Variants in RAPGEF2 observed in about 807,000 individuals in gnomAD.
The protein encoded by RAPGEF2 is Rap guanine nucleotide exchange factor 2.
RAPGEF2 carries 54 observed loss-of-function variants against 186.7 expected under a neutral mutation model. The ratio of observed to expected loss-of-function variants is 0.29; its 90% CI spans 0.23 to 0.36. The LOEUF is 0.36. Ranked by LOEUF, RAPGEF2 falls within the 10% of genes least tolerant of loss-of-function variation. RAPGEF2 has a pLI of 1.00. For synonymous variants in RAPGEF2, 712 were observed against 705.9 expected, an observed-to-expected ratio of 1.01 and a Z score of -0.14; for missense variants, 1,532 against 2,045.0, an observed-to-expected ratio of 0.75 and a Z score of 4.84.
chr4:159,186,794 T>G, intron 2 of RAPGEF2, 82 bp downstream of exon 2: 1 of 767,196 alleles, frequency 1.3e-6, no homozygotes, highest in South Asian at 1.9e-5. Flanking sequence ...ATTTTTTACT[T>G]TTATTCTTAC....
intron 15 of RAPGEF2, 45 bp from the exon 16 acceptor site, chr4:159,331,881 T>G: frequency 6.3e-7 from 1 of 1,593,348 alleles, no homozygotes; most frequent in South Asian, 1.2e-5. Flanking sequence ...GTGTCTGGTT[T>G]TTTTTTTCAG....
At chr4:159,209,191 CAAAAAAA>C (rs146288884) in intron 3 of RAPGEF2, among the ~76,000 whole-genome samples, 3 of 103,718 alleles carry the variant, frequency 2.9e-5, no homozygotes, top group Non-Finnish European at 3.9e-5. Context: ...CATGCCCAGC[CAAAAAAA>C]AAAAAAAAAA....
chr4:159,281,824 T>A (rs567314062), intron 7 of RAPGEF2, among the ~76,000 whole-genome samples: 3 of 152,298 alleles, frequency 2.0e-5, no homozygotes, highest in African/African-American at 7.2e-5. Flanking sequence ...GTTCTGCTCC[T>A]CATTCTATAG....
chr4:159,144,879 GTTTTTTTTTTTT>G (rs137978885), intron 1 of RAPGEF2, among the ~76,000 whole-genome samples: 4 of 92,336 alleles, frequency 4.3e-5, no homozygotes, highest in Non-Finnish European at 6.1e-5. Context: ...CTTTCTTCCT[GTTTTTTTTTTTT>G]TTTTTTTTTT....
At chr4:159,125,731 C>G (rs894220379) in intron 1 of RAPGEF2, among the ~76,000 whole-genome samples, 1 of 150,646 alleles carries the variant, frequency 6.6e-6, no homozygotes, top group Admixed American at 6.6e-5. Flanking sequence ...GCACTCCAGC[C>G]TGGGCGACAG....
intron 7 of RAPGEF2, among the ~76,000 whole-genome samples, chr4:159,275,662 TTCTTAC>T (rs1758765798): frequency 1.3e-5 from 2 of 152,168 alleles, no homozygotes; most frequent in African/African-American, 4.8e-5. Flanking sequence ...ATGTTTTATT[TTCTTAC>T]TCTTCTATAA....
At chr4:159,106,068 T>G (rs893189755) in intron 1 of RAPGEF2, among the ~76,000 whole-genome samples, 1 of 152,242 alleles carries the variant, frequency 6.6e-6, no homozygotes, top group African/African-American at 2.4e-5. Flanking sequence ...AACTTTCCTG[T>G]TCCCCTGCCA....
rs185197553 is a variant in RAPGEF2 at position 159,233,246 on chromosome 4, G to A, written c.282-5563G>A. On this transcript the variant is annotated intron_variant, in intron 4 of 29. Coordinates refer to ENST00000691494, the MANE Select transcript of RAPGEF2 (RefSeq NM_001394067.2). ...AATCTATTGCCAACTCCAAGGTCATGAGGATTTATTCCTGTGCTTTTACTA... is the reference window on the plus strand; with the variant it reads ...AATCTATTGCCAACTCCAAGGTCATAAGGATTTATTCCTGTGCTTTTACTA... Among the ~76,000 whole-genome samples, 20 of 152,286 alleles carry A rather than the reference G, an allele frequency of 1.3e-4. No individual in the cohort carries two copies. In the East Asian group the frequency reaches 3.3e-3, roughly 25 times the overall value.
chr4:159,352,118 C>T (rs969586096), intron 26 of RAPGEF2, among the ~76,000 whole-genome samples: 4 of 152,158 alleles, frequency 2.6e-5, no homozygotes, highest in African/African-American at 9.7e-5. Flanking sequence ...AAACGATTGG[C>T]TTTTATGTGG....
At chr4:159,149,781 A>C (rs1032966463) in intron 1 of RAPGEF2, among the ~76,000 whole-genome samples, 2 of 152,190 alleles carry the variant, frequency 1.3e-5, no homozygotes, top group Non-Finnish European at 1.5e-5. Flanking sequence ...CATCTTATAG[A>C]GTGAAATTGC....
chr4:159,331,448 A>G lies in RAPGEF2; in HGVS notation c.1485A>G (p.Leu495=). The G allele has an allele frequency of 6.2e-7, 1 of 1,610,882 alleles. No homozygotes were observed. The highest frequency in any genetic ancestry group is 8.5e-7 in the Non-Finnish European group (1 of 1,177,576). Residue 495 remains leucine, a synonymous_variant, in exon 14 of 30, where the codon TTA becomes TTG. Transcript: ENST00000691494. ...SLRDKVTRVV[L]LWVNNHFNDF... ...CTTTTCAGGTTACACGGGTAGTATT[A>G]TTGTGGGTAAATAATCACTTCAATG...
intron 1 of RAPGEF2, among the ~76,000 whole-genome samples, chr4:159,140,006 C>T (rs13139246): frequency 0.015 from 2,310 of 152,170 alleles, 24 homozygotes; most frequent in Non-Finnish European, 0.023. Flanking sequence ...ATTATGAGTA[C>T]CTTTTCAAGA....
intron 11 of RAPGEF2, chr4:159,329,028 C>T (rs1766312035): frequency 6.6e-6 from 1 of 152,020 alleles, no homozygotes; most frequent in Non-Finnish European, 1.5e-5. Context: ...TCATCTTCTT[C>T]ACATTAAAGG....
chr4:159,282,940 G>A (rs1488986047), intron 7 of RAPGEF2, among the ~76,000 whole-genome samples: 2 of 152,132 alleles, frequency 1.3e-5, no homozygotes, highest in South Asian at 2.1e-4. Flanking sequence ...ACATACTGCT[G>A]TATCTGTTAA....
At position 159,104,532 on chromosome 4, in the gene RAPGEF2, GAC is replaced by G. The variant is rs1560964890; in HGVS notation, c.69+303_69+304del. Among the ~76,000 whole-genome samples the G allele has an allele frequency of 1.5e-3, 175 of 119,082 alleles. 2 individuals are homozygous for G. The highest frequency in any genetic ancestry group is 2.6e-3 in the African/African-American group (73 of 27,644). 78.1% of individuals were successfully genotyped at this position (119,082 alleles called of 152,430 possible). A position where few individuals can be genotyped will look rare whatever the true frequency, so the allele number is the denominator to read the frequency against. ...AGAGAGAGAGAGAGAGAGAGGGAGA[GAC>G]AGAGAGAGAGAGAGAGAGAGTGTGT... On this transcript the variant is annotated intron_variant, in intron 1 of 29. Transcript: ENST00000691494.
At chr4:159,131,037 C>T (rs1740993484) in intron 1 of RAPGEF2, among the ~76,000 whole-genome samples, 1 of 151,700 alleles carries the variant, frequency 6.6e-6, no homozygotes, top group African/African-American at 2.4e-5. Context: ...GCATGTTTTA[C>T]TCTCCAGGTT....
rs1766721063 is a variant in RAPGEF2, at chr4:159,331,847, A to G, written c.1779+14A>G. The G allele has an allele frequency of 6.2e-7, 1 of 1,613,556 alleles. No individual in the cohort carries two copies. The highest frequency in any genetic ancestry group is 8.5e-7 in the Non-Finnish European group (1 of 1,179,858). On this transcript the variant is annotated intron_variant, in intron 15 of 29. Transcript: ENST00000691494. The stretch of plus-strand genomic sequence containing the variant: ...CGGGGGGATCAGGTATGCCATTTCT[A>G]AACTCATTTAAGGGTGAATTTTGGT...
intron 7 of RAPGEF2, among the ~76,000 whole-genome samples, chr4:159,250,304 C>A (rs1755156573): frequency 6.6e-6 from 1 of 152,048 alleles, no homozygotes; most frequent in Admixed American, 6.6e-5. Flanking sequence ...ACCTGTACCC[C>A]AATAACTTAT....
At chr4:159,348,907 C>T (rs933874775) in intron 25 of RAPGEF2, among the ~76,000 whole-genome samples, 1 of 152,152 alleles carries the variant, frequency 6.6e-6, no homozygotes, top group Admixed American at 6.5e-5. Context: ...CAGGTGTTCC[C>T]CCCACTCCAG....
Sources: gnomAD v4.1 joint callset for allele counts (sites outside exome capture counted in the v4.1 genomes callset) on GRCh38, gnomAD v4.1.1 for gene constraint, MANE v1.5 for transcripts, NCBI Gene and HGNC (gene_info 2026-07-23, HGNC 2026-07-21) for gene names.